Variants in ERMP1 observed in about 807,000 individuals in gnomAD.
ERMP1 encodes Felix-ina.
A neutral mutation model predicts 92.0 loss-of-function variants in ERMP1; 86 were observed. The ratio of observed to expected loss-of-function variants is 0.93; its 90% CI spans 0.79 to 1.12. The LOEUF (loss-of-function observed/expected upper bound fraction) is 1.12. Among genes scored for constraint, ERMP1 ranks in the 50% most tolerant of loss-of-function variants. The pLI is 0.00. For synonymous variants in ERMP1, 530 were observed against 412.8 expected, an observed-to-expected ratio of 1.28 and a Z score of -3.44; for missense variants, 1,342 against 1,116.3, an observed-to-expected ratio of 1.20 and a Z score of -2.88.
At chr9:5,838,802 A>G (rs1221144935) in intron 6 of ERMP1, among the ~76,000 whole-genome samples, 1 of 151,996 alleles carries the variant, frequency 6.6e-6, no homozygotes, top group East Asian at 1.9e-4. Context: ...ATTAAGAGAA[A>G]CAAAAAAAAA....
intron 6 of ERMP1, among the ~76,000 whole-genome samples, chr9:5,845,493 T>C (rs1830224144): frequency 6.6e-6 from 1 of 152,226 alleles, no homozygotes; most frequent in South Asian, 2.1e-4. Flanking sequence ...AGTTATCTTC[T>C]CTTTTTCTTT....
At chr9:5,864,309 G>C (rs1455411820) in intron 5 of ERMP1, among the ~76,000 whole-genome samples, 2 of 152,124 alleles carry the variant, frequency 1.3e-5, no homozygotes, top group Non-Finnish European at 2.9e-5. Context: ...TGTTTACTCA[G>C]TAAGGGAAAG....
At chr9:5,865,033 C>A (rs1185803196) in intron 5 of ERMP1, among the ~76,000 whole-genome samples, 8 of 152,056 alleles carry the variant, frequency 5.3e-5, no homozygotes, top group Admixed American at 4.6e-4. Context: ...TTTTGCAACA[C>A]AATTGGCCAA....
chr9:5,797,983 A>G (rs2131213311), intron 12 of ERMP1, 51 bp from the exon 13 acceptor site: 2 of 1,095,466 alleles, frequency 1.8e-6, no homozygotes, highest in Non-Finnish European at 2.8e-6. Flanking sequence ...TTTGATGGCT[A>G]TCTGTAACTC....
At chr9:5,792,384 C>G (rs1188703033) in intron 13 of ERMP1, among the ~76,000 whole-genome samples, 1 of 152,120 alleles carries the variant, frequency 6.6e-6, no homozygotes, top group East Asian at 1.9e-4. Flanking sequence ...GACCTAACTG[C>G]TAGTTTTAAA....
At chr9:5,866,097 A>G (rs1830651100) in intron 5 of ERMP1, among the ~76,000 whole-genome samples, 1 of 152,180 alleles carries the variant, frequency 6.6e-6, no homozygotes, top group African/African-American at 2.4e-5. Flanking sequence ...GGTAGAATAT[A>G]AATGAATAAA....
Position 5,787,464 on chromosome 9 carries a change from T to C in ERMP1, c.2516A>G (p.Gln839Arg), listed in dbSNP as rs1442524051. 6.2e-7 allele frequency: 1 copy of C among 1,614,004 alleles called. No individual in the cohort carries two copies. The highest frequency in any genetic ancestry group is 8.5e-7 in the Non-Finnish European group (1 of 1,179,996). ...TATCCAGAACTGCCATGCAGAGGCCTGGAGTCCATGGGAGTAAAAGACAAA... is the reference window on the plus strand; with the variant it reads ...TATCCAGAACTGCCATGCAGAGGCCCGGAGTCCATGGGAGTAAAAGACAAA... Reference protein sequence around the residue: ...DYFVFYSHGLQASAWQFWIEV... With the variant: ...DYFVFYSHGLRASAWQFWIEV... Residue 839 changes from glutamine (Q) to arginine (R), a missense_variant, in exon 14 of 15, where the codon CAG becomes CGG. Coordinates refer to ENST00000339450, the MANE Select transcript of ERMP1 (RefSeq NM_024896.3).
Position 5,853,326 on chromosome 9 carries a change from C to T in ERMP1, n.3199+6142G>A, listed in dbSNP as rs565688105. On this transcript the variant is annotated intron_variant and non_coding_transcript_variant, in intron 6 of 6. Transcript: ENST00000690753. The stretch of plus-strand genomic sequence containing the variant: ...CTGCTATTTCTCCATTGCTTTCAGC[C>T]CAAAATAATCATATGCCAAGGTGGC... 3.9e-5 allele frequency among the ~76,000 whole-genome samples: 6 copies of T among 152,194 alleles called. No individual in the cohort carries two copies. In the East Asian group the frequency reaches 1.2e-3, roughly 29 times the overall value.
chr9:5,791,555 A>C (rs1017973545), intron 13 of ERMP1, among the ~76,000 whole-genome samples: 1 of 152,192 alleles, frequency 6.6e-6, no homozygotes, highest in Non-Finnish European at 1.5e-5. Flanking sequence ...AATAACCATC[A>C]TACTTCCCAA....
intron 6 of ERMP1, among the ~76,000 whole-genome samples, chr9:5,850,089 C>G (rs189868931): frequency 6.6e-6 from 1 of 152,148 alleles, no homozygotes; most frequent in East Asian, 1.9e-4. Context: ...CTGCTGTTAT[C>G]AGAGCAGGCC....
chr9:5,787,456 C>T lies in ERMP1; in HGVS notation c.2524G>A (p.Ala842Thr). 6.2e-7 allele frequency: 1 copy of T among 1,613,750 alleles called. No individual in the cohort carries two copies. Among genetic ancestry groups the T allele is most frequent in the Non-Finnish European group, 8.5e-7 (1 of 1,179,882 alleles). The change falls in exon 14 of 15, where the codon GCA becomes ACA. Residue 842 changes from alanine to threonine, a missense_variant. Physicochemically the swap from Ala to Thr is moderately conservative, Grantham distance 58. Coordinates refer to ENST00000339450, the MANE Select transcript of ERMP1 (RefSeq NM_024896.3). Reference protein sequence around the residue: ...VFYSHGLQASAWQFWIEVQVS... With the variant: ...VFYSHGLQASTWQFWIEVQVS... Reference sequence around the variant, plus strand: ...TGCACTTCTATCCAGAACTGCCATGCAGAGGCCTGGAGTCCATGGGAGTAA... The same window carrying T: ...TGCACTTCTATCCAGAACTGCCATGTAGAGGCCTGGAGTCCATGGGAGTAA...
Position 5,787,379 on chromosome 9 carries a change from T to C in ERMP1, c.2550+51A>G, listed in dbSNP as rs371825221. The C allele has an allele frequency of 4.4e-6, 7 of 1,603,618 alleles. No homozygotes were observed. In the African/African-American group the frequency reaches 8.1e-5, roughly 19 times the overall value. On this transcript the variant is annotated intron_variant, in intron 14 of 14. Coordinates refer to ENST00000339450, the MANE Select transcript of ERMP1 (RefSeq NM_024896.3). Reference sequence around the variant, plus strand: ...TACTGAACCCAAGGTTCTTGCTAAATACCACCTGGGAACCTAATCAATGAA... The same window carrying C: ...TACTGAACCCAAGGTTCTTGCTAAACACCACCTGGGAACCTAATCAATGAA...
chr9:5,807,357 T>C (rs756255247), intron 8 of ERMP1, among the ~76,000 whole-genome samples: 2 of 152,256 alleles, frequency 1.3e-5, no homozygotes, highest in Non-Finnish European at 2.9e-5. Flanking sequence ...CACACTGGAC[T>C]GTCCACTAAC....
chr9:5,791,458 T>G (rs144361533), intron 13 of ERMP1, among the ~76,000 whole-genome samples: 1 of 152,230 alleles, frequency 6.6e-6, no homozygotes, highest in Non-Finnish European at 1.5e-5. Context: ...CATGTTAATC[T>G]TACCCAGAAA....
intron 6 of ERMP1, among the ~76,000 whole-genome samples, chr9:5,846,527 A>T (rs1191880207): frequency 6.6e-6 from 1 of 152,240 alleles, no homozygotes; most frequent in Non-Finnish European, 1.5e-5. Flanking sequence ...TTTGCAATGT[A>T]ACCTGTGATT....
At chr9:5,850,287 C>G (rs1468606466) in intron 6 of ERMP1, among the ~76,000 whole-genome samples, 1 of 151,330 alleles carries the variant, frequency 6.6e-6, no homozygotes, top group African/African-American at 2.4e-5. Flanking sequence ...CACCTATAAT[C>G]CCAGCTACTT....
In ERMP1 at chr9:5,799,951, G is replaced by A. The variant is rs187573946; in HGVS notation, c.2068-943C>T. 8.3e-4 allele frequency among the ~76,000 whole-genome samples: 126 copies of A among 152,262 alleles called. 1 individual carries two copies. The highest frequency in any genetic ancestry group is 2.6e-3 in the African/African-American group (109 of 41,546). ...AATCTCACATAAAATTTATCACAGT[G>A]TCCTTCAGGACTATAACAAGGAATT... On this transcript the variant is annotated intron_variant, in intron 11 of 14. Transcript: ENST00000339450.
chr9:5,856,282 T>G (rs1830372650), intron 6 of ERMP1: 2 of 264,930 alleles, frequency 7.5e-6, no homozygotes, highest in South Asian at 8.9e-5. Context: ...CTGTTCTCTG[T>G]TTATTGTTTT....
intron 6 of ERMP1, among the ~76,000 whole-genome samples, chr9:5,849,964 G>A (rs1381651848): frequency 6.6e-6 from 1 of 152,186 alleles, no homozygotes; most frequent in Non-Finnish European, 1.5e-5. Context: ...TCATATCCAT[G>A]GTGGGATTGT....
Sources: gnomAD v4.1 joint callset for allele counts (sites outside exome capture counted in the v4.1 genomes callset) on GRCh38, gnomAD v4.1.1 for gene constraint, MANE v1.5 for transcripts, NCBI Gene and HGNC (gene_info 2026-07-23, HGNC 2026-07-21) for gene names.